KIF13A: variants seen among roughly 807,000 people sequenced by gnomAD.
KIF13A encodes the protein kinesin-like protein KIF13A.
Under a neutral mutation model 212.2 loss-of-function variants are expected in KIF13A, and 79 were observed. The observed-to-expected ratio is 0.37, with a 90% confidence interval of 0.31 to 0.45. The LOEUF (loss-of-function observed/expected upper bound fraction) is 0.45, where lower values mean the gene tolerates loss of function less well. KIF13A is among the 20% of genes least tolerant of loss of function. The probability of loss-of-function intolerance (pLI) is 1.00; values close to 1 mark genes in which losing one functional copy is unlikely to be tolerated. For synonymous variants in KIF13A, 789 were observed against 808.6 expected, an observed-to-expected ratio of 0.98 and a Z score of 0.41; for missense variants, 1,901 against 2,209.0, an observed-to-expected ratio of 0.86 and a Z score of 2.79.
rs1442313727 is a variant in KIF13A at position 17,838,849 on chromosome 6, C to G, written c.831-1266G>C. Among the ~76,000 whole-genome samples, 1 of 152,124 alleles carries G rather than the reference C, an allele frequency of 6.6e-6. No individual in the cohort carries two copies. The highest frequency in any genetic ancestry group is 1.5e-5 in the Non-Finnish European group (1 of 68,028). ...TTGTTTTTTGAGATGGAATCTCGCT[C>G]TGTCACCCAGGCTGGAGTTCAGTGG... On this transcript the variant is annotated intron_variant, in intron 9 of 38. Transcript: ENST00000259711. The surrounding 1 kb of genome is among the most constrained non-coding windows in gnomAD (Gnocchi z 4.2).
At position 17,918,329 on chromosome 6, in the gene KIF13A, A is replaced by G. The variant is rs141401642; in HGVS notation, c.147-20149T>C. Among the ~76,000 whole-genome samples the G allele has an allele frequency of 1.3e-5, 2 of 152,348 alleles. No individual in the cohort carries two copies. Among genetic ancestry groups the G allele is most frequent in the Admixed American group, 1.3e-4 (2 of 15,304 alleles). On this transcript the variant is annotated intron_variant, in intron 2 of 38. Transcript: ENST00000259711. The surrounding 1 kb of genome is among the most constrained non-coding windows in gnomAD (Gnocchi z 4.8). ...AAAATAGTCTCAGAACTGTAGACCAAAAGAATGTAAATGTCCCACACTGCC... is the reference window on the plus strand; with the variant it reads ...AAAATAGTCTCAGAACTGTAGACCAGAAGAATGTAAATGTCCCACACTGCC...
intron 4 of KIF13A, among the ~76,000 whole-genome samples, chr6:17,860,462 T>C (rs1026093086): frequency 2.6e-5 from 4 of 152,188 alleles, no homozygotes; most frequent in African/African-American, 9.7e-5. Context: ...GTGCTGGGAT[T>C]ACGTGTGAGC....
At chr6:17,980,703 C>T (rs547833074) in intron 2 of KIF13A, among the ~76,000 whole-genome samples, 194 of 152,254 alleles carry the variant, frequency 1.3e-3, no homozygotes, top group African/African-American at 2.5e-3. Flanking sequence ...CAATCATTAA[C>T]GCCAGGCAAA....
In KIF13A at chr6:17,804,355, G is replaced by A; in HGVS notation, c.2454+6C>T. On this transcript the variant is annotated splice_donor_region_variant and intron_variant, in intron 20 of 38. Coordinates refer to ENST00000259711, the MANE Select transcript of KIF13A (RefSeq NM_022113.6). ...CCATCGTTCTCCAAGGCTGGCCTGT[G>A]CTTACCTCCCCCTGCTGGCTGATGA... 3 of 1,533,918 alleles carry A rather than the reference G, an allele frequency of 2.0e-6. No homozygotes were observed. Among genetic ancestry groups the A allele is most frequent in the Non-Finnish European group, 2.6e-6 (3 of 1,136,548 alleles).
Position 17,789,342 on chromosome 6 carries a change from C to T in KIF13A, c.3261+530G>A, listed in dbSNP as rs182398320. Among the ~76,000 whole-genome samples, 232 of 152,194 alleles carry T rather than the reference C, an allele frequency of 1.5e-3. No individual in the cohort carries two copies. Among genetic ancestry groups the T allele is most frequent in the Non-Finnish European group, 2.9e-3 (197 of 68,002 alleles). ...GCTGGCTAAACAAAACACAATTATG[C>T]GCATAAAATGTCTCCAATTTTCCTA... is the stretch of plus-strand genomic sequence containing the variant. On this transcript the variant is annotated intron_variant, in intron 26 of 38. Transcript: ENST00000259711. This position sits in a 1 kb window ranked among gnomAD's most constrained non-coding sequence, Gnocchi z 4.8.
rs377260168 is a variant in KIF13A, at chr6:17,804,411, A to G, written c.2404T>C (p.Cys802Arg). Residue 802 changes from cysteine to arginine, a missense_variant, in exon 20 of 39, where the codon TGT becomes CGT. By Grantham distance (180) the Cys-to-Arg change is radical. Coordinates refer to ENST00000259711, the MANE Select transcript of KIF13A (RefSeq NM_022113.6). Reference sequence around the variant, plus strand: ...ACTGCATACTGAAGTTTCACATCACAGAAGAGGCATTCCAAGAATACATTC... The same window carrying G: ...ACTGCATACTGAAGTTTCACATCACGGAAGAGGCATTCCAAGAATACATTC... ...VANVFLECLFCDVKLQYAVPI... is the reference protein window; with the variant it reads ...VANVFLECLFRDVKLQYAVPI... 4 of 1,558,366 alleles carry G rather than the reference A, an allele frequency of 2.6e-6. No homozygotes were observed. The highest frequency in any genetic ancestry group is 2.7e-5 in the African/African-American group (2 of 73,392).
rs540970029 is a variant in KIF13A, at chr6:17,967,293, G to A, written c.146+19761C>T. ...TAAAAACTCAGTAGTTATTCACTCA[G>A]TGGTATAAACTACCAAGCACAGAAA... On this transcript the variant is annotated intron_variant, in intron 2 of 38. Coordinates refer to ENST00000259711, the MANE Select transcript of KIF13A (RefSeq NM_022113.6). This position sits in a 1 kb window ranked among gnomAD's most constrained non-coding sequence, Gnocchi z 4.1. Among the ~76,000 whole-genome samples the A allele has an allele frequency of 6.6e-6, 1 of 152,266 alleles. No homozygotes were observed. Among genetic ancestry groups the A allele is most frequent in the Admixed American group, 6.5e-5 (1 of 15,298 alleles).
intron 16 of KIF13A, among the ~76,000 whole-genome samples, chr6:17,822,459 T>C (rs747269697): frequency 6.6e-6 from 1 of 152,210 alleles, no homozygotes; most frequent in Non-Finnish European, 1.5e-5. Flanking sequence ...TCCAATTGGT[T>C]TGGCTGAGAG....
intron 9 of KIF13A, among the ~76,000 whole-genome samples, chr6:17,840,897 C>T (rs1174893956): frequency 6.6e-6 from 1 of 152,020 alleles, no homozygotes; most frequent in East Asian, 1.9e-4. Flanking sequence ...TTGTAAAGGA[C>T]ATTTCCATTT....
chr6:17,806,716 C>T (rs1281380340), intron 18 of KIF13A, among the ~76,000 whole-genome samples: 3 of 152,002 alleles, frequency 2.0e-5, no homozygotes, highest in Non-Finnish European at 4.4e-5. Context: ...CCTGCCTCTA[C>T]TAAAAATACA....
At chr6:17,805,430 T>C (rs1457999549) in intron 19 of KIF13A, 45 bp downstream of exon 19, 2 of 1,550,276 alleles carry the variant, frequency 1.3e-6, no homozygotes, top group Non-Finnish European at 1.8e-6. Context: ...TTATATTCTC[T>C]GTTTTTAACA....
At chr6:17,803,418 C>T (rs920653320) in intron 20 of KIF13A, among the ~76,000 whole-genome samples, 3 of 152,052 alleles carry the variant, frequency 2.0e-5, no homozygotes, top group Non-Finnish European at 2.9e-5. Flanking sequence ...GCACTTACAC[C>T]CCACAACTGG....
chr6:17,808,458 G>A (rs1561999962), intron 18 of KIF13A, among the ~76,000 whole-genome samples: 1 of 151,998 alleles, frequency 6.6e-6, no homozygotes, highest in Non-Finnish European at 1.5e-5. Flanking sequence ...ATTTCAGAAA[G>A]GGGCATTTAC....
At chr6:17,880,724 T>C (rs1770991275) in intron 3 of KIF13A, among the ~76,000 whole-genome samples, 1 of 147,008 alleles carries the variant, frequency 6.8e-6, no homozygotes, top group African/African-American at 2.5e-5. Context: ...AACCTCAAAC[T>C]CCTGGGCTCA....
At chr6:17,766,744 C>T (rs1759025694) in intron 38 of KIF13A, among the ~76,000 whole-genome samples, 1 of 151,822 alleles carries the variant, frequency 6.6e-6, no homozygotes, top group African/African-American at 2.4e-5. Flanking sequence ...GCTTTTTAAT[C>T]GAGGTGGGGA....
rs1759210401 is a variant in KIF13A, at chr6:17,768,466, TGTC to T, written c.4581+2645_4581+2647del. On this transcript the variant is annotated intron_variant, in intron 38 of 38. Coordinates refer to ENST00000259711, the MANE Select transcript of KIF13A (RefSeq NM_022113.6). The surrounding 1 kb of genome is among the most constrained non-coding windows in gnomAD (Gnocchi z 5.4). ...GCAATTTCCACTCCTATTATAATCA[TGTC>T]GTGCTGTTCACCAGAGATCTCTGTT... 1.3e-5 allele frequency among the ~76,000 whole-genome samples: 2 copies of T among 152,224 alleles called. No homozygotes were observed.
intron 2 of KIF13A, among the ~76,000 whole-genome samples, chr6:17,937,988 T>G (rs368809346): frequency 2.6e-5 from 4 of 152,260 alleles, no homozygotes; most frequent in South Asian, 4.1e-4. Flanking sequence ...CCTCAGGTAA[T>G]CCACCTGCCT....
At position 17,764,565 on chromosome 6, in the gene KIF13A, C is replaced by T. The variant is rs1204445362; in HGVS notation, c.4963G>A (p.Val1655Ile). 5 of 1,613,808 alleles carry T rather than the reference C, an allele frequency of 3.1e-6. No homozygotes were observed. Among genetic ancestry groups the T allele is most frequent in the East Asian group, 2.2e-5 (1 of 44,876 alleles). ...TTGTCCTTTACCAAGCCTTTTTCGA[C>T]TTCTGTCAACTCTTTGTTTGAGGAC... is the stretch of plus-strand genomic sequence containing the variant. ...RPSSNKELTE[V>I]EKGLVKDKII... is the part of the protein sequence containing the mutation. Residue 1655 changes from valine to isoleucine, a missense_variant, in exon 39 of 39, where the codon GTC becomes ATC. Val to Ile is a conservative substitution (Grantham distance 29). Coordinates refer to ENST00000259711, the MANE Select transcript of KIF13A (RefSeq NM_022113.6). The surrounding 1 kb of genome is among the most constrained non-coding windows in gnomAD (Gnocchi z 5.1).
rs1044754537 is a variant in KIF13A, at chr6:17,967,074, C to T, written c.146+19980G>A. Among the ~76,000 whole-genome samples, 6 of 152,310 alleles carry T rather than the reference C, an allele frequency of 3.9e-5. No individual in the cohort carries two copies. The highest frequency in any genetic ancestry group is 8.8e-5 in the Non-Finnish European group (6 of 68,026). ...CTCTATTCCCTTTTGGTATTATGCA[C>T]TTTCTCAGGGGAAAAGTAATCCGAG... On this transcript the variant is annotated intron_variant, in intron 2 of 38. Coordinates refer to ENST00000259711, the MANE Select transcript of KIF13A (RefSeq NM_022113.6). The surrounding 1 kb of genome is among the most constrained non-coding windows in gnomAD (Gnocchi z 4.1).
Sources: gnomAD v4.1 joint callset for allele counts (sites outside exome capture counted in the v4.1 genomes callset) on GRCh38, gnomAD v4.1.1 for gene constraint, Gnocchi (gnomAD v3.1) non-coding constraint, MANE v1.5 for transcripts, NCBI Gene and HGNC (gene_info 2026-07-23, HGNC 2026-07-21) for gene names.